PRKAG2: variants seen among roughly 807,000 people sequenced by gnomAD.
The protein encoded by PRKAG2 is protein kinase AMP-activated non-catalytic subunit gamma 2, also known as 5'-AMP-activated protein kinase subunit gamma-2.
A neutral mutation model predicts 69.6 loss-of-function variants in PRKAG2; 26 were observed. The ratio of observed to expected loss-of-function variants is 0.37; its 90% CI spans 0.27 to 0.52. The LOEUF is 0.52. Among genes scored for constraint, PRKAG2 ranks in the 20% least tolerant of loss-of-function variants. The pLI, the probability that PRKAG2 is intolerant of heterozygous loss-of-function variation, is 0.90. For synonymous variants in PRKAG2, 293 were observed against 285.0 expected (o/e 1.03, Z -0.28); for missense variants, 557 against 740.0 (o/e 0.75, Z 2.87).
intron 1 of PRKAG2, among the ~76,000 whole-genome samples, chr7:151,822,042 A>C (rs11770376): frequency 0.3 from 46,080 of 152,212 alleles, 7,543 homozygotes; most frequent in Middle Eastern, 0.4. Flanking sequence ...CGCGTGACTC[A>C]GGTGTCAGAG....
intron 5 of PRKAG2, among the ~76,000 whole-genome samples, chr7:151,609,745 T>C (rs1006883137): frequency 2.6e-5 from 4 of 152,100 alleles, no homozygotes; most frequent in African/African-American, 7.2e-5. Flanking sequence ...AGAAGGAGGA[T>C]TGTCCCATCA....
chr7:151,655,623 G>C (rs577119415), intron 4 of PRKAG2, among the ~76,000 whole-genome samples: 2 of 152,146 alleles, frequency 1.3e-5, no homozygotes, highest in Admixed American at 1.3e-4. Flanking sequence ...GAGGTCCCTT[G>C]TTCAAAAATT....
At chr7:151,783,086 C>T (rs2076807409) in intron 2 of PRKAG2, among the ~76,000 whole-genome samples, 1 of 152,206 alleles carries the variant, frequency 6.6e-6, no homozygotes, top group Non-Finnish European at 1.5e-5. Flanking sequence ...GGCCTGGGGA[C>T]GTTCTTCCGC....
rs939272628 is a variant in PRKAG2 at position 151,559,758 on chromosome 7, C to T, written c.1678+766G>A. 3 of 985,178 alleles carry T rather than the reference C, an allele frequency of 3.0e-6. No individual in the cohort carries two copies. In the African/African-American group the frequency reaches 5.2e-5, roughly 17 times the overall value. 61.0% of individuals were successfully genotyped at this position (985,178 alleles called of 1,614,324 possible). On this transcript the variant is annotated intron_variant, in intron 15 of 15. Coordinates refer to ENST00000287878, the MANE Select transcript of PRKAG2 (RefSeq NM_016203.4). ...GGATTCTGAGAGTTCAAAGGGCATG[C>T]TGTTTGCTCCCACATCGGGTCCATG... is the stretch of plus-strand genomic sequence containing the variant.
At chr7:151,585,466 T>C (rs959247389) in intron 6 of PRKAG2, among the ~76,000 whole-genome samples, 1 of 143,772 alleles carries the variant, frequency 7.0e-6, no homozygotes, top group Non-Finnish European at 1.5e-5. Flanking sequence ...TCTCAGCCAC[T>C]AGTCTGCTCT....
At chr7:151,855,550 ACACACGCCACCCTC>A (rs1272036805) in intron 1 of PRKAG2, among the ~76,000 whole-genome samples, 2 of 143,320 alleles carry the variant, frequency 1.4e-5, no homozygotes, top group Non-Finnish European at 3.0e-5. Context: ...ACCACTTTAC[ACACACGCCACCCTC>A]CACACACCAC....
chr7:151,644,095 G>A (rs745470557), intron 4 of PRKAG2, among the ~76,000 whole-genome samples: 4 of 152,218 alleles, frequency 2.6e-5, no homozygotes, highest in South Asian at 2.1e-4. Flanking sequence ...GAGCGGAAGC[G>A]GGGCAAGGGA....
At chr7:151,662,533 C>A (rs924517673) in intron 4 of PRKAG2, among the ~76,000 whole-genome samples, 1 of 152,188 alleles carries the variant, frequency 6.6e-6, no homozygotes, top group Non-Finnish European at 1.5e-5. Context: ...CACTGGGCTA[C>A]TGCAGCACTT....
chr7:151,712,183 C>A (rs993208889), intron 3 of PRKAG2, among the ~76,000 whole-genome samples: 5 of 152,236 alleles, frequency 3.3e-5, no homozygotes, highest in African/African-American at 1.2e-4. Flanking sequence ...CCCTCACGTG[C>A]CCTCCTGGCA....
chr7:151,602,177 G>A (rs953889072), intron 5 of PRKAG2, among the ~76,000 whole-genome samples: 2 of 152,216 alleles, frequency 1.3e-5, no homozygotes, highest in Non-Finnish European at 2.9e-5. Flanking sequence ...CAAAACAAAA[G>A]CCAAAGATCA....
At chr7:151,672,005 A>G (rs983450260) in intron 4 of PRKAG2, among the ~76,000 whole-genome samples, 1 of 152,194 alleles carries the variant, frequency 6.6e-6, no homozygotes, top group African/African-American at 2.4e-5. Context: ...AAATATACAT[A>G]AAAGTTACCA....
intron 3 of PRKAG2, among the ~76,000 whole-genome samples, chr7:151,688,549 G>C (rs949520690): frequency 6.6e-6 from 1 of 152,184 alleles, no homozygotes; most frequent in Non-Finnish European, 1.5e-5. Context: ...CAGAGCTTCC[G>C]TCTGCAACGT....
At chr7:151,806,639 A>C (rs1383772502) in intron 1 of PRKAG2, 1 of 181,614 alleles carries the variant, frequency 5.5e-6, no homozygotes, top group African/African-American at 2.4e-5. Context: ...GATCAATGGG[A>C]GGAGACAGAA....
chr7:151,856,807 G>A (rs561238979), intron 1 of PRKAG2, among the ~76,000 whole-genome samples: 79 of 152,268 alleles, frequency 5.2e-4, no homozygotes, highest in African/African-American at 1.6e-3. Context: ...GAACTGGATC[G>A]CAAGGCAGGT....
chr7:151,853,632 T>G (rs375396727), intron 1 of PRKAG2, among the ~76,000 whole-genome samples: 1 of 151,444 alleles, frequency 6.6e-6, no homozygotes, highest in Non-Finnish European at 1.5e-5. Context: ...TGGTGGCGGG[T>G]GCCTGTAGTC....
intron 3 of PRKAG2, among the ~76,000 whole-genome samples, chr7:151,739,260 G>A (rs1398700249): frequency 1.3e-5 from 2 of 152,162 alleles, no homozygotes; most frequent in Non-Finnish European, 2.9e-5. Flanking sequence ...CTGCCTAGGG[G>A]ACCTGACCCA....
intron 1 of PRKAG2, among the ~76,000 whole-genome samples, chr7:151,837,812 A>G (rs1445954709): frequency 6.6e-6 from 1 of 152,154 alleles, no homozygotes; most frequent in Non-Finnish European, 1.5e-5. Context: ...GGCCTGTCTT[A>G]GGGAGGAATT....
intron 1 of PRKAG2, among the ~76,000 whole-genome samples, chr7:151,855,077 A>G (rs1320416137): frequency 2.3e-4 from 9 of 38,338 alleles, no homozygotes; most frequent in South Asian, 1.5e-3. Context: ...CACACACACC[A>G]TCCTCCACAC....
intron 1 of PRKAG2, among the ~76,000 whole-genome samples, chr7:151,874,485 A>G (rs2080336657): frequency 1.1e-5 from 1 of 87,406 alleles, no homozygotes; most frequent in African/African-American, 4.7e-5. Flanking sequence ...ATGTATATGT[A>G]TATGATGTAT....
Sources: allele counts gnomAD v4.1 joint callset (sites outside exome capture counted in the v4.1 genomes callset), GRCh38; gene constraint gnomAD v4.1.1; transcripts MANE v1.5; gene names NCBI Gene and HGNC (gene_info 2026-07-23, HGNC 2026-07-21).